The following LRRC56 variants were observed in gnomAD, a reference collection of about 807,000 sequenced individuals.
LRRC56 encodes the protein leucine-rich repeat-containing protein 56.
A neutral mutation model predicts 47.8 loss-of-function variants in LRRC56; 41 were observed. The observed-to-expected ratio is 0.86, with a 90% CI of 0.67 to 1.11. The LOEUF (loss-of-function observed/expected upper bound fraction) is 1.11. LRRC56 is among the 50% of genes most tolerant of loss of function. LRRC56 has a pLI of 0.00. For missense variants in LRRC56, 759 were observed against 704.2 expected, an observed-to-expected ratio of 1.08 and a Z score of -0.88; for synonymous variants, 387 against 311.2, an observed-to-expected ratio of 1.24 and a Z score of -2.56.
rs150164646 is a variant in LRRC56, at chr11:540,276, G to T, written c.-11-398G>T. Among the ~76,000 whole-genome samples, 485 of 152,324 alleles carry T rather than the reference G, an allele frequency of 3.2e-3. 3 individuals carry two copies. Among genetic ancestry groups the T allele is most frequent in the African/African-American group, 0.011 (460 of 41,576 alleles). On this transcript the variant is annotated intron_variant, in intron 3 of 13. Transcript: ENST00000270115. ...GGTGGAGAAGGACCCATAGCCCACA[G>T]CTTGAGGCAGTGCCGGGAGCCCCAC...
upstream of LRRC56, chr11:534,195 G>A (rs1851313358): frequency 1.9e-6 from 3 of 1,585,132 alleles, no homozygotes; most frequent in Admixed American, 1.7e-5. Context: ...GCACCTGGAC[G>A]GCGGCGCCAG....
chr11:533,672 A>G, upstream of LRRC56: 2 of 1,612,110 alleles, frequency 1.2e-6, no homozygotes, highest in Non-Finnish European at 8.5e-7. Flanking sequence ...CATCCAGGAC[A>G]TGCGCAGAGA....
intron 5 of LRRC56, among the ~76,000 whole-genome samples, chr11:542,738 A>G (rs1025597642): frequency 6.6e-6 from 1 of 152,142 alleles, no homozygotes; most frequent in South Asian, 2.1e-4. Context: ...AGAGTTGGAC[A>G]TGCAACACCC....
chr11:552,179 C>T lies in LRRC56; in HGVS notation c.1128C>T (p.Ser376=). The stretch of plus-strand genomic sequence containing the variant: ...CCCCAGAGCCTGACCCTGCAGACAG[C>T]TCTGACTTCCTGGCCTTGGCTGGGC... ...TSTPEPDPAD[S]SDFLALAGLR... is the part of the protein sequence containing the mutation. The change falls in exon 12 of 14, where the codon AGC becomes AGT. Residue 376 remains serine, a synonymous_variant. Coordinates refer to ENST00000270115, the MANE Select transcript of LRRC56 (RefSeq NM_198075.4). 6.2e-7 allele frequency: 1 copy of T among 1,612,680 alleles called. No individual in the cohort carries two copies. Among genetic ancestry groups the T allele is most frequent in the African/African-American group, 1.3e-5 (1 of 75,062 alleles).
At chr11:531,043 C>T in the LRRC56 span, among the ~76,000 whole-genome samples, 2 of 97,380 alleles carry the variant, frequency 2.1e-5, no homozygotes, top group Admixed American at 1.0e-4. Context: ...GGGAGTGTGG[C>T]GTCCCCTGGA....
chr11:514,065 C>T, the LRRC56 span, among the ~76,000 whole-genome samples: 1 of 152,152 alleles, frequency 6.6e-6, no homozygotes, highest in Non-Finnish European at 1.5e-5. Context: ...CATCTCGGCT[C>T]ACTGCAACCT....
In LRRC56 at chr11:546,686, A is replaced by G. The variant is rs571297917; in HGVS notation, c.326+1906A>G. 3.9e-5 allele frequency among the ~76,000 whole-genome samples: 6 copies of G among 152,308 alleles called. 1 individual carries two copies. The East Asian group carries it at 1.2e-3, about 29-fold the overall frequency. On this transcript the variant is annotated intron_variant, in intron 6 of 13. Transcript: ENST00000270115. ...CAGAGAGGGGCCTGGACATGAAGTC[A>G]GGCCTGCAGCAGGCACCCAGACGAC...
chr11:550,027 G>A (rs1589815755), intron 7 of LRRC56, 29 bp downstream of exon 7: 1 of 1,611,118 alleles, frequency 6.2e-7, no homozygotes, highest in Non-Finnish European at 8.5e-7. Context: ...GGCTGGGGAG[G>A]CCTGGGCTGG....
chr11:535,457 G>A (rs1487523036), upstream of LRRC56: 1 of 147,020 alleles, frequency 6.8e-6, no homozygotes, highest in African/African-American at 2.4e-5. Flanking sequence ...GGCCGGGGCC[G>A]AGGCCGGGGC....
chr11:521,091 G>A, the LRRC56 span, among the ~76,000 whole-genome samples: 4 of 152,296 alleles, frequency 2.6e-5, no homozygotes, highest in Middle Eastern at 3.4e-3. Context: ...CGGGGCAGAC[G>A]CCCTGCCAGG....
intron 4 of LRRC56, 81 bp downstream of exon 4, chr11:540,942 G>C (rs532063974): frequency 1.2e-4 from 139 of 1,198,344 alleles, no homozygotes; most frequent in Admixed American, 1.6e-4. Flanking sequence ...TGATGGTCCA[G>C]CCTGCCCTCT....
In LRRC56 at chr11:554,198, C is replaced by G. The variant is rs145569929; in HGVS notation, c.1551C>G (p.Gly517=). 2 of 1,555,532 alleles carry G rather than the reference C, an allele frequency of 1.3e-6. No homozygotes were observed. Among genetic ancestry groups the G allele is most frequent in the African/African-American group, 2.7e-5 (2 of 73,692 alleles). ...RLSPRAQGCP[G]PKPAPDAAAR... is the part of the protein sequence containing the mutation. ...GCCCTCGAGCCCAGGGATGTCCTGG[C>G]CCAAAGCCAGCACCAGATGCAGCAG... Residue 517 remains glycine (G), a synonymous_variant, in exon 14 of 14, where the codon GGC becomes GGG. Coordinates refer to ENST00000270115, the MANE Select transcript of LRRC56 (RefSeq NM_198075.4).
At chr11:548,451 TTTTG>T (rs56130745) in intron 6 of LRRC56, among the ~76,000 whole-genome samples, 66 of 150,842 alleles carry the variant, frequency 4.4e-4, no homozygotes, top group African/African-American at 8.1e-4. Context: ...CAGCCTCAAG[TTTTG>T]TTTGTTTGTT....
At chr11:518,173 A>T in the LRRC56 span, among the ~76,000 whole-genome samples, 3 of 152,162 alleles carry the variant, frequency 2.0e-5, no homozygotes, top group African/African-American at 7.2e-5. Flanking sequence ...TAAATAAAAA[A>T]TAATAATAAT....
At chr11:532,207 G>A in the LRRC56 span, 21 of 354,562 alleles carry the variant, frequency 5.9e-5, no homozygotes, top group South Asian at 5.4e-4. Context: ...CAGGCCACAC[G>A]CGCACCGTGT....
Position 544,770 on chromosome 11 carries a change from G to A in LRRC56, c.316G>A (p.Gly106Ser), listed in dbSNP as rs144587378. ...ACTGAAGCTGAACGGCAGCCACCTG[G>A]GCTCCCTGAGGTGAGCGCCTGAGGG... is the stretch of plus-strand genomic sequence containing the variant. ...DQLKLNGSHL[G>S]SLRDLGTSLG... Residue 106 changes from glycine (G) to serine (S), a missense_variant, in exon 6 of 14, where the codon GGC becomes AGC. Transcript: ENST00000270115. 77 of 1,612,198 alleles carry A rather than the reference G, an allele frequency of 4.8e-5. No individual in the cohort carries two copies. Among genetic ancestry groups the A allele is most frequent in the Non-Finnish European group, 3.9e-5 (46 of 1,179,860 alleles).
chr11:509,714 A>G, the LRRC56 span, among the ~76,000 whole-genome samples: 1 of 125,208 alleles, frequency 8.0e-6, no homozygotes, highest in Admixed American at 8.6e-5. Context: ...CGCCCGGCTA[A>G]TTTTTTTTTT....
chr11:512,342 C>G, the LRRC56 span, among the ~76,000 whole-genome samples: 1 of 151,940 alleles, frequency 6.6e-6, no homozygotes, highest in African/African-American at 2.4e-5. Context: ...TCAAGCAGTT[C>G]TCCGCCTCGG....
the LRRC56 span, among the ~76,000 whole-genome samples, chr11:508,240 G>A: frequency 9.9e-5 from 15 of 152,162 alleles, no homozygotes; most frequent in African/African-American, 3.4e-4. Context: ...ATCCCAGCTC[G>A]CTGCAGCCTC....
Sources: allele counts gnomAD v4.1 joint callset (sites outside exome capture counted in the v4.1 genomes callset), GRCh38; gene constraint gnomAD v4.1.1; transcripts MANE v1.5; gene names NCBI Gene and HGNC (gene_info 2026-07-23, HGNC 2026-07-21).